FSTL4: variants seen among roughly 807,000 people sequenced by gnomAD.
The protein encoded by FSTL4 is follistatin like 4.
In FSTL4, 28 loss-of-function variants were observed where a neutral mutation model predicts 78.2. That is an observed-to-expected ratio of 0.36 (90% CI 0.27 to 0.49). The LOEUF is 0.49. Among genes scored for constraint, FSTL4 ranks in the 20% least tolerant of loss-of-function variants. FSTL4 has a pLI of 0.98. For synonymous variants in FSTL4, 422 were observed against 440.5 expected (o/e 0.96, Z 0.53); for missense variants, 922 against 1,084.9 (o/e 0.85, Z 2.11).
chr5:133,269,137 G>A (rs1019633327), intron 6 of FSTL4, among the ~76,000 whole-genome samples: 3 of 144,664 alleles, frequency 2.1e-5, no homozygotes, highest in East Asian at 2.0e-4. Context: ...AGCTGAGATC[G>A]TGCCACTGCA....
chr5:133,701,763 G>A, the FSTL4 span, among the ~76,000 whole-genome samples: 1 of 152,126 alleles, frequency 6.6e-6, no homozygotes, highest in Non-Finnish European at 1.5e-5. Flanking sequence ...GCACACAGTA[G>A]AACACGTTTG....
chr5:133,753,145 T>C, the FSTL4 span, among the ~76,000 whole-genome samples: 2 of 152,228 alleles, frequency 1.3e-5, no homozygotes, highest in African/African-American at 2.4e-5. Context: ...GTTACCTGTA[T>C]GCATTATTCA....
chr5:133,571,415 C>T (rs1236718607), intron 2 of FSTL4, among the ~76,000 whole-genome samples: 3 of 152,140 alleles, frequency 2.0e-5, no homozygotes, highest in South Asian at 4.1e-4. Context: ...GAAATGGGAT[C>T]GAATGGCTAA....
At chr5:133,378,397 T>C (rs900079236) in intron 4 of FSTL4, among the ~76,000 whole-genome samples, 1 of 152,158 alleles carries the variant, frequency 6.6e-6, no homozygotes, top group Non-Finnish European at 1.5e-5. Flanking sequence ...CAAAACTGTA[T>C]TGGAGTAAGG....
At chr5:133,392,182 T>TC in intron 4 of FSTL4, among the ~76,000 whole-genome samples, 1 of 152,030 alleles carries the variant, frequency 6.6e-6, no homozygotes, top group South Asian at 2.1e-4. Context: ...AGCCAGGAGA[T>TC]GATGGTGGGA....
chr5:133,467,279 T>TGTGTGA (rs1554116857), intron 3 of FSTL4, among the ~76,000 whole-genome samples: 154 of 151,830 alleles, frequency 1.0e-3, no homozygotes, highest in African/African-American at 3.5e-3. Flanking sequence ...TGTGTGTGTG[T>TGTGTGA]GTGAGTGTGT....
At chr5:133,218,016 C>G (rs2126783109) in intron 12 of FSTL4, among the ~76,000 whole-genome samples, 1 of 152,310 alleles carries the variant, frequency 6.6e-6, no homozygotes, top group East Asian at 1.9e-4. Flanking sequence ...GTGCTCACAA[C>G]TCCCAATTCA....
intron 4 of FSTL4, among the ~76,000 whole-genome samples, chr5:133,323,765 TA>T (rs1429014728): frequency 6.6e-6 from 1 of 152,234 alleles, no homozygotes; most frequent in Non-Finnish European, 1.5e-5. Flanking sequence ...CTTTGGCAGA[TA>T]AAATATTGAT....
the FSTL4 span, among the ~76,000 whole-genome samples, chr5:133,793,315 G>A: frequency 2.6e-5 from 4 of 152,224 alleles, no homozygotes; most frequent in African/African-American, 4.8e-5. Context: ...TGTTATCCCC[G>A]CCATGGGCAC....
intron 3 of FSTL4, among the ~76,000 whole-genome samples, chr5:133,496,065 G>A (rs1758361982): frequency 6.6e-6 from 1 of 152,120 alleles, no homozygotes; most frequent in South Asian, 2.1e-4. Flanking sequence ...GGGAGCAGAA[G>A]GACCAATGCC....
chr5:133,288,894 G>A (rs1753195436), intron 6 of FSTL4, among the ~76,000 whole-genome samples: 1 of 152,224 alleles, frequency 6.6e-6, no homozygotes, highest in Admixed American at 6.5e-5. Context: ...AAAACTGTCT[G>A]CTCTCTTTCT....
At chr5:133,638,687 ACTGT>A in the FSTL4 span, among the ~76,000 whole-genome samples, 1 of 151,654 alleles carries the variant, frequency 6.6e-6, no homozygotes, top group Non-Finnish European at 1.5e-5. Context: ...CATAGCACTT[ACTGT>A]CTTTCAGCAT....
At chr5:133,478,580 CCT>C (rs751007181) in intron 3 of FSTL4, among the ~76,000 whole-genome samples, 135 of 152,292 alleles carry the variant, frequency 8.9e-4, no homozygotes, top group Admixed American at 2.7e-3. Context: ...CCATTGATCC[CCT>C]GAGTCAAGAA....
At chr5:133,504,872 T>C (rs1484258927) in intron 3 of FSTL4, among the ~76,000 whole-genome samples, 2 of 152,174 alleles carry the variant, frequency 1.3e-5, no homozygotes, top group Admixed American at 1.3e-4. Context: ...ATCAAATAAT[T>C]ACTGGTACAA....
intron 10 of FSTL4, 75 bp from the exon 11 acceptor site, chr5:133,224,291 C>T: frequency 9.1e-7 from 1 of 1,095,078 alleles, no homozygotes; most frequent in Non-Finnish European, 1.4e-6. Context: ...GTTAAACCGT[C>T]ACTGCAGTGA....
At chr5:133,336,165 C>T (rs974547204) in intron 4 of FSTL4, among the ~76,000 whole-genome samples, 1 of 152,238 alleles carries the variant, frequency 6.6e-6, no homozygotes, top group Non-Finnish European at 1.5e-5. Context: ...CATTTTGAGG[C>T]CCTGGAACTG....
chr5:133,258,189 G>A (rs923175785), intron 6 of FSTL4, among the ~76,000 whole-genome samples: 1 of 152,228 alleles, frequency 6.6e-6, no homozygotes, highest in African/African-American at 2.4e-5. Context: ...GTAGGTGATA[G>A]GAGGTGACCA....
the FSTL4 span, among the ~76,000 whole-genome samples, chr5:133,633,662 T>C: frequency 1.3e-5 from 2 of 152,194 alleles, no homozygotes; most frequent in African/African-American, 4.8e-5. Context: ...TCCTGGTTGG[T>C]TGTATGATGA....
At chr5:133,221,249 G>A (rs1021928736) in intron 11 of FSTL4, among the ~76,000 whole-genome samples, 5 of 152,188 alleles carry the variant, frequency 3.3e-5, no homozygotes, top group African/African-American at 1.2e-4. Flanking sequence ...GGATGCCAAA[G>A]TAGCAAAGGC....
Sources: allele counts gnomAD v4.1 joint callset (sites outside exome capture counted in the v4.1 genomes callset), GRCh38; gene constraint gnomAD v4.1.1; transcripts MANE v1.5; gene names NCBI Gene and HGNC (gene_info 2026-07-23, HGNC 2026-07-21).